Variants in SPTA1 observed in about 807,000 individuals in gnomAD.
SPTA1 encodes the protein spectrin alpha chain, erythrocytic 1.
In SPTA1, 177 loss-of-function variants were observed where a neutral mutation model predicts 324.7. That is an observed-to-expected ratio of 0.55 (90% confidence interval 0.48 to 0.62). The LOEUF is 0.62. SPTA1 is among the 20% of genes least tolerant of loss of function. The pLI is 0.00. For missense variants in SPTA1, 3,162 were observed against 2,883.6 expected, an observed-to-expected ratio of 1.10 and a Z score of -2.21; for synonymous variants, 1,195 against 1,041.3, an observed-to-expected ratio of 1.15 and a Z score of -2.84.
chr1:158,623,416 A>G (rs150146512), intron 42 of SPTA1, among the ~76,000 whole-genome samples: 21 of 152,320 alleles, frequency 1.4e-4, no homozygotes, highest in African/African-American at 4.8e-4. Flanking sequence ...AAATTAATTG[A>G]TATGGTTTGG....
rs761027307 is a variant in SPTA1 at position 158,645,428 on chromosome 1, T to C, written c.3997-43A>G. The stretch of plus-strand genomic sequence containing the variant: ...AAGAAATCAGTGAGGCCAACTCCAT[T>C]GGAAATTTTAAAATTAGTAGAGGTT... On this transcript the variant is annotated intron_variant, in intron 28 of 51. Coordinates refer to ENST00000643759, the MANE Select transcript of SPTA1 (RefSeq NM_003126.4). 3.7e-6 allele frequency: 6 copies of C among 1,613,766 alleles called. No individual in the cohort carries two copies. In the East Asian group the frequency reaches 8.9e-5, roughly 24 times the overall value.
At chr1:158,647,852 AC>A in intron 26 of SPTA1, 132 bp from the exon 27 acceptor site, 1 of 948,376 alleles carries the variant, frequency 1.1e-6, no homozygotes, top group Non-Finnish European at 1.6e-6. Context: ...ATCATACTTT[AC>A]AAAATAATAT....
Position 158,652,618 on chromosome 1 carries a change from C to T in SPTA1, c.3224G>A (p.Arg1075Lys), listed in dbSNP as rs1652535521. The change falls in exon 23 of 52, where the codon AGA becomes AAA. Residue 1075 changes from arginine to lysine, a missense_variant. Coordinates refer to ENST00000643759, the MANE Select transcript of SPTA1 (RefSeq NM_003126.4). ...ATTATAACGTTGCAATAGACGACGT[C>T]TGCGTTCTTCTGCCCGATCCAAGAG... ...RSLLDRAEER[R>K]RRLLQRYNEF... The T allele has an allele frequency of 1.2e-6, 2 of 1,614,136 alleles. No homozygotes were observed.
chr1:158,658,567 T>G (rs1652990199), intron 18 of SPTA1, among the ~76,000 whole-genome samples: 1 of 152,194 alleles, frequency 6.6e-6, no homozygotes. Context: ...CATATCTCAA[T>G]ATTACTTTCA....
In SPTA1 at chr1:158,652,536, C is replaced by T. The variant is rs1372923249; in HGVS notation, c.3306G>A (p.Lys1102=). ...GDMLEWIQEK[K]AENTGVELDD... ...CTAGTTCCACTCCAGTGTTTTCTGC[C>T]TTTTTCTCTTGAATCCATTCCAGCA... Residue 1102 remains lysine (K), a synonymous_variant, in exon 23 of 52, where the codon AAG becomes AAA. Coordinates refer to ENST00000643759, the MANE Select transcript of SPTA1 (RefSeq NM_003126.4). 9.3e-6 allele frequency: 15 copies of T among 1,614,124 alleles called. No individual in the cohort carries two copies. Among genetic ancestry groups the T allele is most frequent in the Admixed American group, 1.7e-5 (1 of 60,006 alleles).
intron 10 of SPTA1, 48 bp downstream of exon 10, chr1:158,674,281 G>T: frequency 1.3e-6 from 2 of 1,484,508 alleles, no homozygotes; most frequent in South Asian, 2.3e-5. Flanking sequence ...ATTATGTAAT[G>T]ACTACATATA....
chr1:158,639,308 T>G (rs1651348048), intron 35 of SPTA1: 1 of 461,138 alleles, frequency 2.2e-6, no homozygotes, highest in African/African-American at 2.0e-5. Context: ...GACAATTGGC[T>G]TATATGTATG....
intron 44 of SPTA1, among the ~76,000 whole-genome samples, chr1:158,619,852 G>A (rs1227795226): frequency 6.6e-6 from 1 of 152,090 alleles, no homozygotes; most frequent in Non-Finnish European, 1.5e-5. Flanking sequence ...GAATGAGGGG[G>A]ATATGTAGAC....
At position 158,657,672 on chromosome 1, in the gene SPTA1, C is replaced by T. The variant is rs776338491; in HGVS notation, c.2610G>A (p.Val870=). 3.7e-6 allele frequency: 6 copies of T among 1,613,924 alleles called. No individual in the cohort carries two copies. Among genetic ancestry groups the T allele is most frequent in the Non-Finnish European group, 5.1e-6 (6 of 1,180,002 alleles). The change falls in exon 19 of 52, where the codon GTG becomes GTA. Residue 870 remains valine, a synonymous_variant. Coordinates refer to ENST00000643759, the MANE Select transcript of SPTA1 (RefSeq NM_003126.4). The stretch of plus-strand genomic sequence containing the variant: ...GGTTCAAACTCTTGACCCTAGAGGC[C>T]ACATCTTCTGCAGCAAAGTGTCCTA... ...VEEGHFAAED[V]ASRVKSLNQN... is the part of the protein sequence containing the mutation.
At chr1:158,656,376 C>G (rs1480563293) in intron 20 of SPTA1, among the ~76,000 whole-genome samples, 188 bp downstream of exon 20, 2 of 152,202 alleles carry the variant, frequency 1.3e-5, no homozygotes, top group African/African-American at 2.4e-5. Context: ...TCAAAAACCT[C>G]TTTTGGACAA....
chr1:158,661,497 G>C, intron 17 of SPTA1, 88 bp from the exon 18 acceptor site: 1 of 1,567,050 alleles, frequency 6.4e-7, no homozygotes, highest in Non-Finnish European at 8.7e-7. Flanking sequence ...TGGACCCACA[G>C]GTTCTTTCCT....
At chr1:158,627,496 A>C in intron 40 of SPTA1, 129 bp downstream of exon 40, 1 of 897,486 alleles carries the variant, frequency 1.1e-6, no homozygotes, top group Non-Finnish European at 1.8e-6. Context: ...AAGGCAGTTT[A>C]GAAGAGATTG....
chr1:158,645,638 C>T (rs770039702), intron 27 of SPTA1, 44 bp from the exon 28 acceptor site: 2 of 1,595,356 alleles, frequency 1.3e-6, no homozygotes, highest in East Asian at 2.2e-5. Context: ...AACCTTGCAA[C>T]TTGCTACAGT....
chr1:158,667,805 A>G, intron 15 of SPTA1, 53 bp downstream of exon 15: 2 of 1,567,486 alleles, frequency 1.3e-6, no homozygotes, highest in Non-Finnish European at 1.7e-6. Flanking sequence ...AGATAAAGGT[A>G]GTAGATTTCA....
At chr1:158,649,183 G>A (rs1245503829) in intron 25 of SPTA1, among the ~76,000 whole-genome samples, 1 of 152,186 alleles carries the variant, frequency 6.6e-6, no homozygotes, top group Non-Finnish European at 1.5e-5. Context: ...TGTTGAATGA[G>A]CTGATAGTCA....
In SPTA1 at chr1:158,638,182, G is replaced by A. The variant is rs749363866; in HGVS notation, c.5040C>T (p.Asn1680=). 1.5e-5 allele frequency: 24 copies of A among 1,613,698 alleles called. No homozygotes were observed. Among genetic ancestry groups the A allele is most frequent in the Non-Finnish European group, 1.9e-5 (23 of 1,179,958 alleles). ...AEDLLSSGTF[N]VDQIVKKKDN... ...CTTTTTTCTTCACAATCTGATCAAC[G>A]TTGAAAGTCCCGCTGGAGAGCAAAT... The change falls in exon 36 of 52, where the codon AAC becomes AAT. Residue 1680 remains asparagine, a synonymous_variant. Coordinates refer to ENST00000643759, the MANE Select transcript of SPTA1 (RefSeq NM_003126.4).
intron 16 of SPTA1, among the ~76,000 whole-genome samples, chr1:158,665,836 T>A (rs1653554516): frequency 6.6e-6 from 1 of 151,904 alleles, no homozygotes; most frequent in African/African-American, 2.4e-5. Flanking sequence ...ACCCCTTATT[T>A]TATAGGTGAG....
At chr1:158,625,742 A>C (rs1182980195) in intron 42 of SPTA1, among the ~76,000 whole-genome samples, 7 of 151,910 alleles carry the variant, frequency 4.6e-5, no homozygotes, top group Non-Finnish European at 8.8e-5. Context: ...CTTTGGGAAA[A>C]ATTATATATT....
In SPTA1 at chr1:158,639,900, G is replaced by T; in HGVS notation, c.4845C>A (p.Ser1615Arg). 6.2e-7 allele frequency: 1 copy of T among 1,613,932 alleles called. No homozygotes were observed. Among genetic ancestry groups the T allele is most frequent in the Middle Eastern group, 1.7e-4 (1 of 6,048 alleles). Residue 1615 changes from serine (S) to arginine (R), a missense_variant, in exon 34 of 52, where the codon AGC becomes AGA. By Grantham distance (110) the Ser-to-Arg change is moderately radical. Coordinates refer to ENST00000643759, the MANE Select transcript of SPTA1 (RefSeq NM_003126.4). ...EASRQQRFNT[S>R]IRDFEFWLSE... Reference sequence around the variant, plus strand: ...AGAGCCAGAACTCAAAGTCCCGGATGCTTGTGTTGAACCTCTGTTGACGAC... The same window carrying T: ...AGAGCCAGAACTCAAAGTCCCGGATTCTTGTGTTGAACCTCTGTTGACGAC...
Sources: gnomAD v4.1 joint callset for allele counts (sites outside exome capture counted in the v4.1 genomes callset) on GRCh38, gnomAD v4.1.1 for gene constraint, MANE v1.5 for transcripts, NCBI Gene and HGNC (gene_info 2026-07-23, HGNC 2026-07-21) for gene names.